Variants in ARPC3 observed in about 807,000 individuals in gnomAD.
ARPC3 encodes the protein actin related protein 2/3 complex subunit 3.
In ARPC3, 12 loss-of-function variants were observed where a neutral mutation model predicts 27.6. The ratio of observed to expected loss-of-function variants is 0.43; its 90% CI spans 0.28 to 0.70. The LOEUF (loss-of-function observed/expected upper bound fraction) is 0.70, where lower values mean the gene tolerates loss of function less well. Among genes scored for constraint, ARPC3 ranks in the 30% least tolerant of loss-of-function variants. ARPC3 has a pLI of 0.17. For synonymous variants in ARPC3, 53 were observed against 67.2 expected, an observed-to-expected ratio of 0.79 and a Z score of 1.03; for missense variants, 153 against 207.7, an observed-to-expected ratio of 0.74 and a Z score of 1.62.
intron 2 of ARPC3, 181 bp from the exon 3 acceptor site, chr12:110,440,569 CAG>C (rs1378616189): frequency 2.6e-5 from 14 of 544,076 alleles, no homozygotes; most frequent in Admixed American, 5.8e-5. Flanking sequence ...TTTTTTGAGA[CAG>C]AGTCTCGCTC....
chr12:110,440,501 A>C (rs1482411217), intron 2 of ARPC3, 113 bp from the exon 3 acceptor site: 2 of 719,948 alleles, frequency 2.8e-6, no homozygotes, highest in Non-Finnish European at 5.0e-6. Flanking sequence ...TGTGGAGTTG[A>C]ATAAAATAAA....
chr12:110,436,695 A>AAT lies in ARPC3; in HGVS notation c.253-14_253-13dup, dbSNP rs759554263. The AAT allele has an allele frequency of 2.0e-5, 15 of 735,114 alleles. No individual in the cohort carries two copies. The highest frequency in any genetic ancestry group is 1.5e-4 in the African/African-American group (5 of 32,490). The allele number at this position is 735,114 out of a possible 1,614,324, so 45.5% of individuals were successfully genotyped here. On this transcript the variant is annotated splice_polypyrimidine_tract_variant and intron_variant, in intron 4 of 6. Transcript: ENST00000228825. ...CTTTTGGAATTGCACTGGAAAAAAA[A>AAT]ATATATATATATATATACACACACA...
At chr12:110,436,752 ACAT>A in intron 4 of ARPC3, 69 bp from the exon 5 acceptor site, 2 of 1,127,680 alleles carry the variant, frequency 1.8e-6, no homozygotes, top group Non-Finnish European at 2.5e-6. Flanking sequence ...ACACACACAC[ACAT>A]ATTTTACAGG....
At chr12:110,437,030 A>G (rs1018320720) in intron 4 of ARPC3, 54 bp downstream of exon 4, 1 of 1,202,552 alleles carries the variant, frequency 8.3e-7, no homozygotes, top group Non-Finnish European at 1.2e-6. Context: ...CTGGGAGGGT[A>G]AATGCCTCTC....
At chr12:110,442,275 A>G (rs1188989056) in intron 2 of ARPC3, among the ~76,000 whole-genome samples, 1 of 152,202 alleles carries the variant, frequency 6.6e-6, no homozygotes, top group Non-Finnish European at 1.5e-5. Context: ...TTATAAAAAA[A>G]CACTGAGACA....
Position 110,435,324 on chromosome 12 carries a change from T to C in ARPC3, c.475-107A>G, listed in dbSNP as rs1046378268. 397 of 524,774 alleles carry C rather than the reference T, an allele frequency of 7.6e-4. 1 individual carries two copies. Among genetic ancestry groups the C allele is most frequent in the Non-Finnish European group, 5.5e-4 (177 of 321,572 alleles). The allele number at this position is 524,774 out of a possible 1,614,324, so 32.5% of individuals were successfully genotyped here. A position where few individuals can be genotyped will look rare whatever the true frequency, so the allele number is the denominator to read the frequency against. On this transcript the variant is annotated intron_variant, in intron 6 of 6. Transcript: ENST00000228825. ...ATTAGTCTGGAATCTCTTATAAACT[T>C]TTTTTTTTTTTTTTTGAGACGGAGT... is the stretch of plus-strand genomic sequence containing the variant.
chr12:110,436,230 CTG>C, intron 5 of ARPC3, 26 bp from the exon 6 acceptor site: 1 of 1,572,638 alleles, frequency 6.4e-7, no homozygotes, highest in Non-Finnish European at 8.8e-7. Flanking sequence ...TTAAAAAAAA[CTG>C]TATTTGCAAA....
chr12:110,436,365 G>T, intron 5 of ARPC3, 161 bp from the exon 6 acceptor site: 1 of 1,167,370 alleles, frequency 8.6e-7, no homozygotes, highest in South Asian at 1.4e-5. Flanking sequence ...ATTTGTTTTT[G>T]TTCAAAAGAT....
In ARPC3 at chr12:110,450,310, G is replaced by T. The variant is rs376591851; in HGVS notation, c.-50C>A. 2.2e-5 allele frequency: 36 copies of T among 1,613,366 alleles called. No homozygotes were observed. In the South Asian group the frequency reaches 2.6e-4, roughly 12 times the overall value. On this transcript the variant is annotated 5_prime_UTR_variant, in exon 1 of 7. Transcript: ENST00000228825. ...CAGAGGAGCAGGATCCAGGTACAGC[G>T]GAGCGCTTCCGGTCTGGCAGCCTGG...
rs1458302817 is a variant in ARPC3 at position 110,436,454 on chromosome 12, C to T, written c.379+103G>A. On this transcript the variant is annotated intron_variant, in intron 5 of 6. Coordinates refer to ENST00000228825, the MANE Select transcript of ARPC3 (RefSeq NM_001278556.2). ...ATAATGTACTTCCTATGATTTCACT[C>T]TCAATCTGTACATGAATCAAGGCAA... 91 of 1,546,074 alleles carry T rather than the reference C, an allele frequency of 5.9e-5. 1 individual carries two copies. The highest frequency in any genetic ancestry group is 8.1e-5 in the Non-Finnish European group (91 of 1,122,310).
chr12:110,448,793 TG>T (rs199834519), intron 1 of ARPC3, among the ~76,000 whole-genome samples: 5,710 of 26,494 alleles, frequency 0.22, 533 homozygotes, highest in African/African-American at 0.3. Context: ...GGGGGGGGGG[TG>T]GTGGTACAGA....
intron 2 of ARPC3, chr12:110,442,827 GT>G (rs2062445538): frequency 6.6e-6 from 1 of 152,054 alleles, no homozygotes; most frequent in Non-Finnish European, 1.5e-5. Context: ...CAGAAATACT[GT>G]CTTGACAAAG....
chr12:110,440,720 G>A (rs567843540), intron 2 of ARPC3, among the ~76,000 whole-genome samples: 6 of 148,246 alleles, frequency 4.0e-5, no homozygotes, highest in Non-Finnish European at 7.4e-5. Context: ...CTAATTTTTT[G>A]TATTTTTAGT....
chr12:110,445,964 C>T (rs1052812979), intron 1 of ARPC3, among the ~76,000 whole-genome samples: 6 of 151,800 alleles, frequency 4.0e-5, no homozygotes, highest in African/African-American at 7.3e-5. Flanking sequence ...ATTAGCCAGG[C>T]GTGGCGGCGT....
intron 1 of ARPC3, among the ~76,000 whole-genome samples, chr12:110,448,743 CAACT>C (rs2062479302): frequency 7.1e-6 from 1 of 140,280 alleles, no homozygotes; most frequent in African/African-American, 2.6e-5. Flanking sequence ...TCCCTCTCAC[CAACT>C]GTCTTGTTAC....
At chr12:110,437,298 T>C (rs2062411767) in intron 3 of ARPC3, 146 bp from the exon 4 acceptor site, 1 of 669,468 alleles carries the variant, frequency 1.5e-6, no homozygotes. Flanking sequence ...ATTCTCCAAA[T>C]GCACAGTCTC....
chr12:110,441,958 C>T (rs560397597), intron 2 of ARPC3, among the ~76,000 whole-genome samples: 51 of 150,078 alleles, frequency 3.4e-4, no homozygotes, highest in African/African-American at 1.2e-3. Context: ...CTTGAACTCG[C>T]GGGTGGAGGA....
chr12:110,438,883 T>C (rs1166929867), intron 3 of ARPC3, among the ~76,000 whole-genome samples: 2 of 151,900 alleles, frequency 1.3e-5, no homozygotes, highest in Non-Finnish European at 2.9e-5. Context: ...CCTCAGGTGA[T>C]CCGCCCGCCT....
Position 110,436,695 on chromosome 12 carries a change from A to AAAAAATAT in ARPC3, c.253-13_253-12insATATTTTT. On this transcript the variant is annotated splice_polypyrimidine_tract_variant and intron_variant, in intron 4 of 6. Transcript: ENST00000228825. ...CTTTTGGAATTGCACTGGAAAAAAA[A>AAAAAATAT]ATATATATATATATATACACACACA... 1.4e-6 allele frequency: 1 copy of AAAAAATAT among 735,054 alleles called. No homozygotes were observed. The highest frequency in any genetic ancestry group is 2.1e-6 in the Non-Finnish European group (1 of 472,402). 45.5% of individuals were successfully genotyped at this position (735,054 alleles called of 1,614,324 possible).
Sources: gnomAD v4.1 joint callset for allele counts (sites outside exome capture counted in the v4.1 genomes callset) on GRCh38, gnomAD v4.1.1 for gene constraint, MANE v1.5 for transcripts, NCBI Gene and HGNC (gene_info 2026-07-23, HGNC 2026-07-21) for gene names.